The following PIK3AP1 variants were observed in gnomAD, a reference collection of about 807,000 sequenced individuals.
PIK3AP1 encodes the protein phosphoinositide 3-kinase adapter protein 1.
A neutral mutation model predicts 88.1 loss-of-function variants in PIK3AP1; 21 were observed. That is an observed-to-expected ratio of 0.24 (90% CI 0.17 to 0.34). The LOEUF (loss-of-function observed/expected upper bound fraction) is 0.34, where lower values mean the gene tolerates loss of function less well. Ranked by LOEUF, PIK3AP1 falls within the 10% of genes least tolerant of loss-of-function variation. The probability of loss-of-function intolerance (pLI) is 1.00; values close to 1 mark genes in which losing one functional copy is unlikely to be tolerated. For missense variants in PIK3AP1, 828 were observed against 1,035.7 expected (o/e 0.80, Z 2.75); for synonymous variants, 398 against 400.0 (o/e 1.00, Z 0.06).
rs199816410 is a variant in PIK3AP1 at position 96,609,855 on chromosome 10, G to A, written c.2027C>T (p.Thr676Met). 7 of 1,613,990 alleles carry A rather than the reference G, an allele frequency of 4.3e-6. No individual in the cohort carries two copies. Among genetic ancestry groups the A allele is most frequent in the East Asian group, 2.2e-5 (1 of 44,878 alleles). Residue 676 changes from threonine (T) to methionine (M), a missense_variant, in exon 14 of 17, where the codon ACG becomes ATG. Thr to Met is a moderately conservative substitution (Grantham distance 81). This residue lies in a region of PIK3AP1 where 191 missense variants were observed against 208.6 expected (regional missense o/e 0.92). Coordinates refer to ENST00000339364, the MANE Select transcript of PIK3AP1 (RefSeq NM_152309.3). ...KSGKQTDLEITVPIRHSQHLP... is the reference protein window; with the variant it reads ...KSGKQTDLEIMVPIRHSQHLP... ...GTGCTGTGAGTGCCGAATTGGGACC[G>A]TGATCTCCAAGTCTGGAATTGGAGG...
Position 96,609,880 on chromosome 10 carries a change from G to T in PIK3AP1, c.2015-13C>A. 6.2e-7 allele frequency: 1 copy of T among 1,613,630 alleles called. No homozygotes were observed. The highest frequency in any genetic ancestry group is 8.5e-7 in the Non-Finnish European group (1 of 1,179,596). On this transcript the variant is annotated splice_polypyrimidine_tract_variant and intron_variant, in intron 13 of 16. Coordinates refer to ENST00000339364, the MANE Select transcript of PIK3AP1 (RefSeq NM_152309.3). ...GTGATCTCCAAGTCTGGAATTGGAG[G>T]AAAGAGGGATAAGCTGTCAAGATAC...
chr10:96,614,568 A>G (rs192311226), intron 13 of PIK3AP1, among the ~76,000 whole-genome samples: 146 of 152,142 alleles, frequency 9.6e-4, no homozygotes, highest in Non-Finnish European at 1.7e-3. Flanking sequence ...TCCCAAAATC[A>G]TTAACATTCA....
intron 15 of PIK3AP1, chr10:96,603,668 TAATACA>T (rs1265141411): frequency 1.3e-4 from 2 of 15,476 alleles, no homozygotes; most frequent in Admixed American, 1.8e-3. Flanking sequence ...TAATACTACT[TAATACA>T]CACACACACA....
intron 13 of PIK3AP1, among the ~76,000 whole-genome samples, chr10:96,610,362 A>G (rs1379027674): frequency 6.6e-6 from 1 of 152,208 alleles, no homozygotes; most frequent in African/African-American, 2.4e-5. Context: ...ACACCCAAGA[A>G]ATAAATATTA....
intron 6 of PIK3AP1, among the ~76,000 whole-genome samples, chr10:96,649,991 T>C (rs916236337): frequency 4.6e-5 from 7 of 152,236 alleles, no homozygotes; most frequent in Admixed American, 3.3e-4. Flanking sequence ...TAGACATACA[T>C]TTATATACAA....
At chr10:96,678,147 T>A (rs1348595853) in intron 2 of PIK3AP1, among the ~76,000 whole-genome samples, 1 of 151,866 alleles carries the variant, frequency 6.6e-6, no homozygotes, top group Non-Finnish European at 1.5e-5. Flanking sequence ...TTAAAAAAAA[T>A]TGTAGGCTGG....
intron 8 of PIK3AP1, among the ~76,000 whole-genome samples, chr10:96,640,140 A>G (rs1843364503): frequency 6.6e-6 from 1 of 152,358 alleles, no homozygotes; most frequent in East Asian, 1.9e-4. Context: ...TGAGGTAGGG[A>G]TCAGGGGTTC....
chr10:96,598,482 A>G (rs1848823260), intron 16 of PIK3AP1, among the ~76,000 whole-genome samples: 1 of 152,002 alleles, frequency 6.6e-6, no homozygotes, highest in Non-Finnish European at 1.5e-5. Flanking sequence ...CCTTCCATCC[A>G]TTCACTTAAC....
chr10:96,675,463 G>A (rs1378330514), intron 2 of PIK3AP1, among the ~76,000 whole-genome samples: 1 of 152,148 alleles, frequency 6.6e-6, no homozygotes, highest in Non-Finnish European at 1.5e-5. Context: ...CCTGCAGGAA[G>A]CAGGGCCTTG....
At chr10:96,691,167 G>T (rs570305320) in intron 2 of PIK3AP1, among the ~76,000 whole-genome samples, 26 of 152,182 alleles carry the variant, frequency 1.7e-4, no homozygotes, top group Non-Finnish European at 3.1e-4. Flanking sequence ...TTCAAAGCAG[G>T]CCTCACATGG....
rs1224666310 is a variant in PIK3AP1, at chr10:96,628,865, CAT to C, written c.1376-374_1376-373del. On this transcript the variant is annotated intron_variant, in intron 8 of 16. Transcript: ENST00000339364. ...ATATAAACATATATATACACACACA[CAT>C]ATATACACATATATATATATACATA... 6.9e-4 allele frequency among the ~76,000 whole-genome samples: 11 copies of C among 15,878 alleles called. 1 individual carries two copies. Among genetic ancestry groups the C allele is most frequent in the Admixed American group, 2.6e-3 (2 of 764 alleles). 10.4% of individuals were successfully genotyped at this position (15,878 alleles called of 152,430 possible). A position where few individuals can be genotyped will look rare whatever the true frequency, so the allele number is the denominator to read the frequency against.
intron 8 of PIK3AP1, among the ~76,000 whole-genome samples, chr10:96,637,161 A>G (rs1843322458): frequency 6.6e-6 from 1 of 152,132 alleles, no homozygotes; most frequent in Non-Finnish European, 1.5e-5. Flanking sequence ...GTAGCCAAAC[A>G]TTTGAAGAGA....
At position 96,593,986 on chromosome 10, in the gene PIK3AP1, T is replaced by C. The variant is rs1848715544; in HGVS notation, c.*1591A>G. On this transcript the variant is annotated 3_prime_UTR_variant, in exon 17 of 17. Transcript: ENST00000339364. ...ATTAATGTGGATTTTTTTACATTCG[T>C]GTGGGATAGAGAATAATCCCATGGG... 1 of 152,232 alleles carries C rather than the reference T, an allele frequency of 6.6e-6. No individual in the cohort carries two copies. Among genetic ancestry groups the C allele is most frequent in the South Asian group, 2.1e-4 (1 of 4,830 alleles). 9.4% of individuals were successfully genotyped at this position (152,232 alleles called of 1,614,324 possible).
chr10:96,637,487 T>C (rs1843328448), intron 8 of PIK3AP1, among the ~76,000 whole-genome samples: 2 of 152,032 alleles, frequency 1.3e-5, no homozygotes, highest in Non-Finnish European at 1.5e-5. Flanking sequence ...CCTCCTTAAC[T>C]ACAGGCATGC....
chr10:96,604,113 C>T, intron 14 of PIK3AP1, 64 bp from the exon 15 acceptor site: 1 of 1,303,494 alleles, frequency 7.7e-7, no homozygotes, highest in Non-Finnish European at 1.1e-6. Flanking sequence ...AAATAGAGAA[C>T]TCTAGAACTT....
intron 8 of PIK3AP1, among the ~76,000 whole-genome samples, chr10:96,630,009 T>C (rs371348851): frequency 2.6e-4 from 38 of 147,258 alleles, no homozygotes; most frequent in African/African-American, 9.5e-4. Flanking sequence ...AAGAAATTAA[T>C]ATCAGTGGTT....
intron 2 of PIK3AP1, among the ~76,000 whole-genome samples, chr10:96,676,078 A>G (rs1843915014): frequency 6.6e-6 from 1 of 152,026 alleles, no homozygotes; most frequent in Non-Finnish European, 1.5e-5. Context: ...TCTACCTACA[A>G]CCACAACTCC....
intron 3 of PIK3AP1, 131 bp downstream of exon 3, chr10:96,656,662 CAAAAG>C (rs1564973029): frequency 7.6e-7 from 1 of 1,307,896 alleles, no homozygotes; most frequent in African/African-American, 1.5e-5. Flanking sequence ...ACAGGGTACT[CAAAAG>C]AAATCCCAAA....
intron 2 of PIK3AP1, among the ~76,000 whole-genome samples, chr10:96,709,348 G>A (rs2134290880): frequency 6.6e-6 from 1 of 152,112 alleles, no homozygotes; most frequent in South Asian, 2.1e-4. Context: ...CTTTGCCCTA[G>A]TACAGAAGAA....
Sources: gnomAD v4.1 joint callset for allele counts (sites outside exome capture counted in the v4.1 genomes callset) on GRCh38, gnomAD v4.1.1 for gene constraint, gnomAD v4.1.1 regional missense constraint, MANE v1.5 for transcripts, NCBI Gene and HGNC (gene_info 2026-07-23, HGNC 2026-07-21) for gene names.